Variants in HSD17B12 observed in about 807,000 individuals in gnomAD.
The protein encoded by HSD17B12 is very-long-chain 3-oxoacyl-CoA reductase.
A neutral mutation model predicts 39.3 loss-of-function variants in HSD17B12; 32 were observed. The observed-to-expected ratio is 0.81, with a 90% confidence interval of 0.61 to 1.09. The LOEUF is 1.09. HSD17B12 is among the 50% of genes least tolerant of loss of function. The pLI, the probability that HSD17B12 is intolerant of heterozygous loss-of-function variation, is 0.00. For missense variants in HSD17B12, 342 were observed against 382.9 expected (o/e 0.89, Z 0.89); for synonymous variants, 150 against 146.7 (o/e 1.02, Z -0.16).
intron 1 of HSD17B12, among the ~76,000 whole-genome samples, chr11:43,729,264 T>C (rs891372007): frequency 6.6e-6 from 1 of 152,246 alleles, no homozygotes; most frequent in African/African-American, 2.4e-5. Flanking sequence ...GTACATCTAA[T>C]AGAATTTAAT....
At chr11:43,650,900 T>C in the HSD17B12 span, among the ~76,000 whole-genome samples, 2 of 152,234 alleles carry the variant, frequency 1.3e-5, no homozygotes, top group African/African-American at 2.4e-5. Context: ...TGATGAAATC[T>C]TACACTTGTC....
chr11:43,780,941 A>G (rs1004366694), intron 3 of HSD17B12, among the ~76,000 whole-genome samples: 3 of 152,196 alleles, frequency 2.0e-5, no homozygotes, highest in Non-Finnish European at 2.9e-5. Context: ...TAAAAATGCC[A>G]TATCTTTGGC....
chr11:43,761,409 C>T (rs1462634266), intron 3 of HSD17B12, among the ~76,000 whole-genome samples: 1 of 152,198 alleles, frequency 6.6e-6, no homozygotes, highest in Non-Finnish European at 1.5e-5. Context: ...ATATAATTAA[C>T]ATCTTTAAAT....
intron 1 of HSD17B12, among the ~76,000 whole-genome samples, chr11:43,700,690 A>T (rs901333889): frequency 6.6e-6 from 1 of 151,930 alleles, no homozygotes; most frequent in South Asian, 2.1e-4. Context: ...GCTGAATAGA[A>T]CTCCATTGTG....
chr11:43,581,651 C>T, the HSD17B12 span, among the ~76,000 whole-genome samples: 4 of 152,134 alleles, frequency 2.6e-5, no homozygotes, highest in Non-Finnish European at 4.4e-5. The surrounding 1 kb of genome is among the most constrained non-coding windows in gnomAD (Gnocchi z 4.9). Context: ...GTCTTCCCTC[C>T]GAGCGAGTCC....
At chr11:43,708,678 AC>A (rs2134829258) in intron 1 of HSD17B12, among the ~76,000 whole-genome samples, 1 of 152,192 alleles carries the variant, frequency 6.6e-6, no homozygotes, top group South Asian at 2.1e-4. Context: ...TATGTAGGTT[AC>A]TCTGTGCCTA....
chr11:43,617,872 A>G, the HSD17B12 span, among the ~76,000 whole-genome samples: 1 of 152,214 alleles, frequency 6.6e-6, no homozygotes, highest in African/African-American at 2.4e-5. Context: ...GTTCGTGATT[A>G]GTGAATCATC....
At chr11:43,768,471 C>T (rs1264386700) in intron 3 of HSD17B12, among the ~76,000 whole-genome samples, 1 of 152,164 alleles carries the variant, frequency 6.6e-6, no homozygotes, top group African/African-American at 2.4e-5. Flanking sequence ...TTGGTTCCTT[C>T]TGGTGGGTTC....
At chr11:43,792,002 C>T (rs559163231) in intron 3 of HSD17B12, among the ~76,000 whole-genome samples, 70 of 152,306 alleles carry the variant, frequency 4.6e-4, no homozygotes, top group African/African-American at 1.7e-3. Flanking sequence ...ATTTGTGTGG[C>T]ATCTCTGCTC....
At chr11:43,737,997 C>T (rs1950331782) in intron 1 of HSD17B12, among the ~76,000 whole-genome samples, 2 of 149,642 alleles carry the variant, frequency 1.3e-5, no homozygotes, top group East Asian at 2.0e-4. Context: ...GATGTGAACC[C>T]GGCAGGCGGA....
chr11:43,710,733 A>G (rs1423492650), intron 1 of HSD17B12, among the ~76,000 whole-genome samples: 1 of 152,176 alleles, frequency 6.6e-6, no homozygotes, highest in African/African-American at 2.4e-5. Context: ...CCAGTATTTG[A>G]AAATAAACCA....
At chr11:43,652,793 C>T in the HSD17B12 span, among the ~76,000 whole-genome samples, 1 of 152,076 alleles carries the variant, frequency 6.6e-6, no homozygotes, top group African/African-American at 2.4e-5. Flanking sequence ...CTGGAAGCTC[C>T]CCACACTCTG....
intron 3 of HSD17B12, among the ~76,000 whole-genome samples, chr11:43,792,125 C>T (rs1319371786): frequency 6.6e-6 from 1 of 152,172 alleles, no homozygotes; most frequent in African/African-American, 2.4e-5. Flanking sequence ...GGGGATGTCT[C>T]ACCCCAAGGG....
chr11:43,799,838 C>G (rs1198223470), intron 4 of HSD17B12, among the ~76,000 whole-genome samples: 1 of 152,146 alleles, frequency 6.6e-6, no homozygotes, highest in Non-Finnish European at 1.5e-5. Context: ...AAGTATAGCC[C>G]TGCATAGTAC....
chr11:43,596,924 T>C, the HSD17B12 span, among the ~76,000 whole-genome samples: 36 of 152,350 alleles, frequency 2.4e-4, no homozygotes, highest in African/African-American at 8.2e-4. Context: ...CTTCGTGGAA[T>C]AACACAACAA....
the HSD17B12 span, among the ~76,000 whole-genome samples, chr11:43,598,476 G>A: frequency 1.3e-4 from 20 of 151,972 alleles, no homozygotes; most frequent in African/African-American, 4.1e-4. Context: ...TTCTGTCCAC[G>A]CGAGTATGTG....
chr11:43,607,279 AGTGTGTGTGTGTGT>A, the HSD17B12 span, among the ~76,000 whole-genome samples: 10 of 145,390 alleles, frequency 6.9e-5, no homozygotes, highest in Middle Eastern at 3.5e-3. Context: ...TGTGCTCCTG[AGTGTGTGTGTGTGT>A]GTGTGTGTGT....
chr11:43,768,885 C>G (rs11037616), intron 3 of HSD17B12, among the ~76,000 whole-genome samples: 3 of 151,370 alleles, frequency 2.0e-5, no homozygotes, highest in Non-Finnish European at 2.9e-5. Context: ...GCTGATTGGT[C>G]CATTTTTACA....
chr11:43,777,553 C>T (rs7396443), intron 3 of HSD17B12, among the ~76,000 whole-genome samples: 1 of 152,146 alleles, frequency 6.6e-6, no homozygotes, highest in African/African-American at 2.4e-5. Context: ...TGTCTGCAAA[C>T]AGGGACAATT....
Sources: gnomAD v4.1 joint callset for allele counts (sites outside exome capture counted in the v4.1 genomes callset) on GRCh38, gnomAD v4.1.1 for gene constraint, Gnocchi (gnomAD v3.1) non-coding constraint, MANE v1.5 for transcripts, NCBI Gene and HGNC (gene_info 2026-07-23, HGNC 2026-07-21) for gene names.